Variants in MSH3 observed in about 807,000 individuals in gnomAD.
MSH3 encodes the protein mutS homolog 3.
Under a neutral mutation model 123.3 loss-of-function variants are expected in MSH3, and 106 were observed. The ratio of observed to expected loss-of-function variants is 0.86; its 90% CI spans 0.73 to 1.01. The LOEUF (loss-of-function observed/expected upper bound fraction) is 1.01, where lower values mean the gene tolerates loss of function less well. Among genes scored for constraint, MSH3 ranks in the 50% least tolerant of loss-of-function variants. MSH3 has a pLI of 0.00. For missense variants in MSH3, 1,459 were observed against 1,347.6 expected (o/e 1.08, Z -1.29); for synonymous variants, 515 against 481.4 (o/e 1.07, Z -0.91).
chr5:80,814,129 GAAAAAAA>G lies in MSH3; in HGVS notation c.2813+395_2813+401del, dbSNP rs10708713. Among the ~76,000 whole-genome samples, 1,078 of 142,770 alleles carry G rather than the reference GAAAAAAA, an allele frequency of 7.6e-3. 10 individuals carry two copies. The highest frequency in any genetic ancestry group is 9.0e-3 in the Non-Finnish European group (586 of 65,388). The allele number at this position is 142,770 out of a possible 152,430, so 93.7% of individuals were successfully genotyped here. ...CAACAAAGTGAGACCCTGTCTCAAAGAAAAAAAAAAAAACAAAAACAAAAACAGAAAA... is the reference window on the plus strand; with the variant it reads ...CAACAAAGTGAGACCCTGTCTCAAAGAAAAAACAAAAACAAAAACAGAAAA... On this transcript the variant is annotated intron_variant, in intron 20 of 23. Transcript: ENST00000265081.
intron 7 of MSH3, among the ~76,000 whole-genome samples, chr5:80,676,413 T>TA (rs1749839390): frequency 1.3e-5 from 2 of 152,362 alleles, no homozygotes; most frequent in Admixed American, 6.5e-5. Flanking sequence ...CTAAAGGTCT[T>TA]AGACTTTTTA....
intron 20 of MSH3, among the ~76,000 whole-genome samples, chr5:80,846,892 C>G (rs1216967047): frequency 2.0e-5 from 3 of 152,212 alleles, no homozygotes. Flanking sequence ...ACGCCCTGCC[C>G]TGTTTCAGCT....
At chr5:80,870,764 G>T (rs1746198432) in intron 22 of MSH3, among the ~76,000 whole-genome samples, 1 of 152,078 alleles carries the variant, frequency 6.6e-6, no homozygotes, top group South Asian at 2.1e-4. Context: ...GTCATGTTCA[G>T]TCTTTGGCTT....
chr5:80,844,368 ATTTTCTG>A (rs1745680575), intron 20 of MSH3, among the ~76,000 whole-genome samples: 1 of 151,852 alleles, frequency 6.6e-6, no homozygotes, highest in East Asian at 1.9e-4. Flanking sequence ...AGAAGAATGT[ATTTTCTG>A]TTGATTTGGG....
rs369384745 is a variant in MSH3, at chr5:80,658,035, C to CCTTTTTTTTTTTTTTTTTTTTTTTT, written c.358+1504_358+1505insCTTTTTTTTTTTTTTTTTTTTTTTT. ...ATTTTTCCTAAGAATGCTTTTTGCC[C>CCTTTTTTTTTTTTTTTTTTTTTTTT]TCTTTTTTTTTTTTTGAGATAGGGT... is the stretch of plus-strand genomic sequence containing the variant. On this transcript the variant is annotated intron_variant, in intron 2 of 23. Transcript: ENST00000265081. Among the ~76,000 whole-genome samples the CCTTTTTTTTTTTTTTTTTTTTTTTT allele has an allele frequency of 2.3e-5, 2 of 87,216 alleles. 1 individual carries two copies. The allele number at this position is 87,216 out of a possible 152,430, so 57.2% of individuals were successfully genotyped here. A position where few individuals can be genotyped will look rare whatever the true frequency, so the allele number is the denominator to read the frequency against.
chr5:80,765,130 C>T (rs772602959), intron 13 of MSH3, among the ~76,000 whole-genome samples: 2 of 152,186 alleles, frequency 1.3e-5, no homozygotes, highest in African/African-American at 2.4e-5. Context: ...CAACCTGCTG[C>T]CTCTGGCTTT....
intron 15 of MSH3, among the ~76,000 whole-genome samples, chr5:80,774,946 A>G (rs895397370): frequency 1.3e-5 from 2 of 152,216 alleles, no homozygotes; most frequent in African/African-American, 4.8e-5. Context: ...ATTTTTAAAT[A>G]AAAGAGTATA....
chr5:80,732,662 T>C (rs950469959), intron 10 of MSH3, among the ~76,000 whole-genome samples: 4 of 152,116 alleles, frequency 2.6e-5, no homozygotes, highest in African/African-American at 9.7e-5. Flanking sequence ...TATAAGTACA[T>C]GGAATCAGGA....
At chr5:80,687,799 T>C (rs1750126205) in intron 8 of MSH3, among the ~76,000 whole-genome samples, 1 of 148,290 alleles carries the variant, frequency 6.7e-6, no homozygotes, top group Non-Finnish European at 1.5e-5. Context: ...AATGGCATGA[T>C]AGAAGGGAAG....
intron 12 of MSH3, among the ~76,000 whole-genome samples, chr5:80,750,065 A>G (rs1355338020): frequency 9.7e-6 from 1 of 103,278 alleles, no homozygotes; most frequent in East Asian, 2.7e-4. Context: ...TTTAAGGCTG[A>G]ATAGTATTCC....
intron 19 of MSH3, among the ~76,000 whole-genome samples, chr5:80,799,760 C>G (rs996737204): frequency 6.6e-6 from 1 of 151,972 alleles, no homozygotes; most frequent in Non-Finnish European, 1.5e-5. Flanking sequence ...GGATGAACTT[C>G]ACTTAACATT....
chr5:80,707,923 C>CT (rs1006701043), intron 8 of MSH3, among the ~76,000 whole-genome samples: 50 of 152,160 alleles, frequency 3.3e-4, no homozygotes, highest in Non-Finnish European at 8.8e-5. Flanking sequence ...TTCTTGATGA[C>CT]TAGTGATGTT....
At chr5:80,656,010 A>C (rs1749275003) in intron 1 of MSH3, among the ~76,000 whole-genome samples, 1 of 152,206 alleles carries the variant, frequency 6.6e-6, no homozygotes, top group South Asian at 2.1e-4. Context: ...CAAAAATGAT[A>C]CTGTTCTTTT....
At chr5:80,738,662 CAG>C (rs1743556519) in intron 10 of MSH3, among the ~76,000 whole-genome samples, 1 of 152,080 alleles carries the variant, frequency 6.6e-6, no homozygotes, top group African/African-American at 2.4e-5. Flanking sequence ...CTGTTGTTGA[CAG>C]AAGATAAAGG....
intron 20 of MSH3, among the ~76,000 whole-genome samples, chr5:80,825,079 G>A (rs1000045850): frequency 9.2e-5 from 14 of 152,052 alleles, no homozygotes; most frequent in African/African-American, 2.9e-4. Flanking sequence ...TTAATATTAC[G>A]CCCTTGTAGC....
rs764632679 is a variant in MSH3 at position 80,656,491 on chromosome 5, A to G, written c.318A>G (p.Gln106=). 17 of 1,614,200 alleles carry G rather than the reference A, an allele frequency of 1.1e-5. No homozygotes were observed. The highest frequency in any genetic ancestry group is 3.3e-4 in the Middle Eastern group (2 of 6,062). Reference sequence around the variant, plus strand: ...AAAAGAAAGTAAAGAAAGTCCAACAAAAGGAAGGAGGAAGTGATCTGGGAA... The same window carrying G: ...AAAAGAAAGTAAAGAAAGTCCAACAGAAGGAAGGAGGAAGTGATCTGGGAA... ...PVKKKVKKVQ[Q]KEGGSDLGMS... Residue 106 remains glutamine, a synonymous_variant, in exon 2 of 24, where the codon CAA becomes CAG. Transcript: ENST00000265081.
intron 10 of MSH3, among the ~76,000 whole-genome samples, chr5:80,733,419 T>C (rs944431298): frequency 6.6e-6 from 1 of 152,116 alleles, no homozygotes; most frequent in Non-Finnish European, 1.5e-5. Context: ...AATGAGGCAA[T>C]GATTTCTTAA....
chr5:80,680,570 G>A (rs1046039506), intron 8 of MSH3, among the ~76,000 whole-genome samples: 2 of 147,098 alleles, frequency 1.4e-5, no homozygotes, highest in Admixed American at 6.8e-5. Flanking sequence ...TTTCTATTCT[G>A]TGGTTTTTTT....
intron 21 of MSH3, among the ~76,000 whole-genome samples, chr5:80,863,947 T>G (rs1364486255): frequency 6.6e-6 from 1 of 152,172 alleles, no homozygotes; most frequent in Non-Finnish European, 1.5e-5. Context: ...TAGTTGATTA[T>G]CTCGTGGATC....
Sources: allele counts gnomAD v4.1 joint callset (sites outside exome capture counted in the v4.1 genomes callset), GRCh38; gene constraint gnomAD v4.1.1; transcripts MANE v1.5; gene names NCBI Gene and HGNC (gene_info 2026-07-23, HGNC 2026-07-21).